The following ARAP2 variants were observed in gnomAD, a reference collection of about 807,000 sequenced individuals.
ARAP2 encodes ArfGAP with RhoGAP domain, ankyrin repeat and PH domain 2, also known as arf-GAP with Rho-GAP domain, ANK repeat and PH domain-containing protein 2.
A neutral mutation model predicts 194.5 loss-of-function variants in ARAP2; 148 were observed. That is an observed-to-expected ratio of 0.76 (90% CI 0.67 to 0.87). ARAP2 has a LOEUF of 0.87. Ranked by LOEUF, ARAP2 falls within the 40% of genes least tolerant of loss-of-function variation. The probability of loss-of-function intolerance (pLI) is 0.00; values close to 1 mark genes in which losing one functional copy is unlikely to be tolerated. For synonymous variants in ARAP2, 695 were observed against 683.5 expected, an observed-to-expected ratio of 1.02 and a Z score of -0.26; for missense variants, 2,128 against 1,989.7, an observed-to-expected ratio of 1.07 and a Z score of -1.32.
At chr4:36,079,173 C>CAAAAAAA (rs34229260) in intron 31 of ARAP2, among the ~76,000 whole-genome samples, 1 of 77,614 alleles carries the variant, frequency 1.3e-5, no homozygotes, top group Non-Finnish European at 2.3e-5. Context: ...GACTCTGTCT[C>CAAAAAAA]AAAAAAAAAA....
chr4:36,012,934 G>A (rs1714817703), intron 8 of ARAP2: 1 of 152,154 alleles, frequency 6.6e-6, no homozygotes, highest in African/African-American at 2.4e-5. Flanking sequence ...CTTTATGTAG[G>A]TAACATGCAT....
chr4:36,099,184 G>A (rs1368750770), intron 27 of ARAP2, among the ~76,000 whole-genome samples: 3 of 151,960 alleles, frequency 2.0e-5, no homozygotes, highest in African/African-American at 4.8e-5. Flanking sequence ...TTAGTTTGCC[G>A]AGGATAACAA....
chr4:36,148,126 A>C (rs1730082012), intron 17 of ARAP2, among the ~76,000 whole-genome samples: 2 of 152,174 alleles, frequency 1.3e-5, no homozygotes, highest in African/African-American at 4.8e-5. Flanking sequence ...AAAAAGACTT[A>C]TACAGAAATG....
rs1446698162 is a variant in ARAP2, at chr4:36,066,520, G to A, written c.*1387C>T. ...CACATCACTGTACTATGATTGGACT[G>A]ACTGAAGTATGGGCCTGTGAATATA... On this transcript the variant is annotated 3_prime_UTR_variant, in exon 33 of 33. Transcript: ENST00000303965. 6.6e-6 allele frequency: 1 copy of A among 151,728 alleles called. No homozygotes were observed. Among genetic ancestry groups the A allele is most frequent in the Non-Finnish European group, 1.5e-5 (1 of 67,982 alleles). The allele number at this position is 151,728 out of a possible 1,614,324, so 9.4% of individuals were successfully genotyped here. A position where few individuals can be genotyped will look rare whatever the true frequency, so the allele number is the denominator to read the frequency against.
chr4:36,013,972 C>T (rs1577529438), intron 8 of ARAP2, among the ~76,000 whole-genome samples: 1 of 152,110 alleles, frequency 6.6e-6, no homozygotes, highest in South Asian at 2.1e-4. Flanking sequence ...GTGGCTCACG[C>T]CTGTAATCCT....
intron 2 of ARAP2, among the ~76,000 whole-genome samples, chr4:36,226,262 T>C (rs1750283071): frequency 6.6e-6 from 1 of 152,196 alleles, no homozygotes; most frequent in Admixed American, 6.5e-5. Context: ...GAGCTTTTCA[T>C]ATGATACAAA....
At chr4:36,120,951 C>T (rs1577962228) in intron 23 of ARAP2, among the ~76,000 whole-genome samples, 1 of 151,588 alleles carries the variant, frequency 6.6e-6, no homozygotes, top group East Asian at 1.9e-4. Flanking sequence ...AATATTCTGT[C>T]AAACAGATAT....
At chr4:36,179,146 AT>A (rs1163392240) in intron 8 of ARAP2, among the ~76,000 whole-genome samples, 1 of 152,192 alleles carries the variant, frequency 6.6e-6, no homozygotes, top group Non-Finnish European at 1.5e-5. Flanking sequence ...ATTTTTAGCA[AT>A]AAAAAGACAT....
chr4:36,239,567 T>G (rs1366431657), intron 1 of ARAP2, among the ~76,000 whole-genome samples: 1 of 152,180 alleles, frequency 6.6e-6, no homozygotes, highest in East Asian at 1.9e-4. Flanking sequence ...ACATAAGGTA[T>G]CTACCGTAGT....
intron 7 of ARAP2, among the ~76,000 whole-genome samples, chr4:36,188,070 A>C (rs1307878064): frequency 1.3e-5 from 2 of 152,182 alleles, no homozygotes; most frequent in African/African-American, 2.4e-5. Context: ...TCTCAACCTC[A>C]AACTGTATCA....
chr4:36,086,464 C>A (rs1187214342), intron 28 of ARAP2, among the ~76,000 whole-genome samples: 1 of 152,066 alleles, frequency 6.6e-6, no homozygotes, highest in African/African-American at 2.4e-5. Flanking sequence ...GAAACACATT[C>A]TTTTCCATTT....
At chr4:36,102,519 G>A (rs1352374409) in intron 27 of ARAP2, among the ~76,000 whole-genome samples, 1 of 151,918 alleles carries the variant, frequency 6.6e-6, no homozygotes, top group East Asian at 1.9e-4. Flanking sequence ...GTAAAATATA[G>A]CCTTGTTAAA....
chr4:36,204,987 C>CAAAAAAAAAAAAAAAAAAAAAAAA (rs754960122), intron 6 of ARAP2, among the ~76,000 whole-genome samples: 4 of 35,072 alleles, frequency 1.1e-4, no homozygotes, highest in Admixed American at 4.9e-4. Context: ...GACTCCATCT[C>CAAAAAAAAAAAAAAAAAAAAAAAA]AAAAAAAAAA....
intron 28 of ARAP2, among the ~76,000 whole-genome samples, chr4:36,085,926 T>C (rs1190481331): frequency 2.6e-5 from 4 of 152,126 alleles, no homozygotes; most frequent in South Asian, 2.1e-4. Flanking sequence ...ATTGATTCTA[T>C]AGCCTGCTAA....
chr4:36,109,437 T>C (rs1719257548), intron 26 of ARAP2, among the ~76,000 whole-genome samples: 1 of 151,904 alleles, frequency 6.6e-6, no homozygotes, highest in Non-Finnish European at 1.5e-5. Flanking sequence ...TTATTTTCTT[T>C]GATGGCCCAT....
chr4:36,110,950 G>A (rs1320150062), intron 26 of ARAP2, among the ~76,000 whole-genome samples: 1 of 151,816 alleles, frequency 6.6e-6, no homozygotes, highest in Non-Finnish European at 1.5e-5. Context: ...TGCTAATAAT[G>A]CATATGTTCC....
chr4:36,197,321 G>A (rs895649820), intron 6 of ARAP2, among the ~76,000 whole-genome samples: 10 of 152,098 alleles, frequency 6.6e-5, no homozygotes, highest in Non-Finnish European at 8.8e-5. Flanking sequence ...CACGTACAGC[G>A]AAGAAACGAA....
chr4:36,047,939 C>T (rs1252527724), intron 3 of ARAP2, among the ~76,000 whole-genome samples: 1 of 152,152 alleles, frequency 6.6e-6, no homozygotes, highest in Non-Finnish European at 1.5e-5. Flanking sequence ...ATCTTCTTGC[C>T]AACATGCCCC....
intron 28 of ARAP2, among the ~76,000 whole-genome samples, chr4:36,085,436 C>A (rs954906735): frequency 4.0e-5 from 6 of 151,730 alleles, no homozygotes; most frequent in Non-Finnish European, 8.8e-5. Flanking sequence ...ATTATTCTAC[C>A]CCAATTTATG....
Sources: allele counts gnomAD v4.1 joint callset (sites outside exome capture counted in the v4.1 genomes callset), GRCh38; gene constraint gnomAD v4.1.1; transcripts MANE v1.5; gene names NCBI Gene and HGNC (gene_info 2026-07-23, HGNC 2026-07-21).